The following SDK1 variants were observed in gnomAD, a reference collection of about 807,000 sequenced individuals.
SDK1 encodes the protein protein sidekick-1.
Under a neutral mutation model 245.5 loss-of-function variants are expected in SDK1, and 157 were observed. The observed-to-expected ratio is 0.64, with a 90% CI of 0.56 to 0.73. The LOEUF is 0.73. Ranked by LOEUF, SDK1 falls within the 30% of genes least tolerant of loss-of-function variation. The pLI, the probability that SDK1 is intolerant of heterozygous loss-of-function variation, is 0.00. For synonymous variants in SDK1, 1,647 were observed against 1,278.5 expected (o/e 1.29, Z -6.15); for missense variants, 3,583 against 3,002.3 (o/e 1.19, Z -4.52).
intron 5 of SDK1, among the ~76,000 whole-genome samples, chr7:3,885,854 T>C: frequency 6.6e-6 from 1 of 152,224 alleles, no homozygotes; most frequent in East Asian, 1.9e-4. Flanking sequence ...AACACTCATT[T>C]AGCACTTTCT....
intron 1 of SDK1, among the ~76,000 whole-genome samples, chr7:3,597,805 C>T (rs903898406): frequency 1.2e-4 from 18 of 152,138 alleles, no homozygotes; most frequent in African/African-American, 3.9e-4. Context: ...TGAGATTCCT[C>T]GATGGTGCTG....
In SDK1 at chr7:4,079,450, G is replaced by C; in HGVS notation, c.3203-13G>C. Reference sequence around the variant, plus strand: ...CTGTAAATCTCTCCCTTTCCTCCCTGGTTCCTCTCTAGACCTTCCTGGTGC... The same window carrying C: ...CTGTAAATCTCTCCCTTTCCTCCCTCGTTCCTCTCTAGACCTTCCTGGTGC... On this transcript the variant is annotated splice_polypyrimidine_tract_variant and intron_variant, in intron 21 of 44. Coordinates refer to ENST00000404826, the MANE Select transcript of SDK1 (RefSeq NM_152744.4). 6.2e-7 allele frequency: 1 copy of C among 1,613,780 alleles called. No individual in the cohort carries two copies. The highest frequency in any genetic ancestry group is 8.5e-7 in the Non-Finnish European group (1 of 1,179,800).
intron 1 of SDK1, among the ~76,000 whole-genome samples, chr7:3,536,248 AC>A (rs1778884481): frequency 7.0e-6 from 1 of 143,672 alleles, no homozygotes; most frequent in Non-Finnish European, 1.5e-5. Context: ...GTGTGTTTTT[AC>A]TAGAGACGGG....
intron 1 of SDK1, among the ~76,000 whole-genome samples, chr7:3,389,938 A>G (rs1017197763): frequency 2.6e-5 from 4 of 152,278 alleles, no homozygotes; most frequent in Middle Eastern, 6.8e-3. Flanking sequence ...TTTAATGTAG[A>G]TATTAAAGAC....
At chr7:3,447,712 T>C (rs912367948) in intron 1 of SDK1, among the ~76,000 whole-genome samples, 8 of 148,408 alleles carry the variant, frequency 5.4e-5, no homozygotes, top group Non-Finnish European at 9.0e-5. Context: ...TTTTTTTTTT[T>C]TTTTTTTTTG....
At chr7:3,684,769 A>C (rs955003235) in intron 4 of SDK1, among the ~76,000 whole-genome samples, 7 of 152,334 alleles carry the variant, frequency 4.6e-5, no homozygotes, top group African/African-American at 1.7e-4. Context: ...AATGAAAAAA[A>C]AAAATAGAAA....
chr7:4,145,963 G>C (rs1387377392), intron 29 of SDK1, 47 bp downstream of exon 29: 2 of 1,507,254 alleles, frequency 1.3e-6, no homozygotes, highest in South Asian at 1.3e-5. Flanking sequence ...TGTGGGCACA[G>C]CTTCCTCAAT....
chr7:3,808,005 A>G (rs1233747831), intron 4 of SDK1, among the ~76,000 whole-genome samples: 1 of 152,186 alleles, frequency 6.6e-6, no homozygotes, highest in Non-Finnish European at 1.5e-5. Flanking sequence ...CTGTCAGTCA[A>G]GCATCTGGCC....
At chr7:4,071,992 GA>G (rs914533879) in intron 20 of SDK1, among the ~76,000 whole-genome samples, 13 of 152,138 alleles carry the variant, frequency 8.5e-5, no homozygotes, top group African/African-American at 2.9e-4. Flanking sequence ...AAAGCTGAAA[GA>G]AAAAAATCCA....
At chr7:3,510,033 A>G (rs1228339145) in intron 1 of SDK1, among the ~76,000 whole-genome samples, 1 of 152,204 alleles carries the variant, frequency 6.6e-6, no homozygotes, top group Non-Finnish European at 1.5e-5. Flanking sequence ...ATATGCAGCC[A>G]TGGTTGACAA....
intron 1 of SDK1, among the ~76,000 whole-genome samples, chr7:3,550,150 A>G (rs1779354817): frequency 1.3e-5 from 2 of 152,168 alleles, no homozygotes; most frequent in African/African-American, 4.8e-5. Flanking sequence ...GTCTATCTCA[A>G]TATATGCATA....
At chr7:3,698,200 C>A (rs375009272) in intron 4 of SDK1, among the ~76,000 whole-genome samples, 2 of 152,240 alleles carry the variant, frequency 1.3e-5, no homozygotes, top group South Asian at 2.1e-4. Flanking sequence ...CAAATACTAC[C>A]GAAGAAAACT....
intron 1 of SDK1, among the ~76,000 whole-genome samples, chr7:3,577,361 G>T (rs190914865): frequency 6.6e-6 from 1 of 152,156 alleles, no homozygotes; most frequent in East Asian, 1.9e-4. Context: ...CCAGGCCAAG[G>T]TTTTACGGCC....
intron 5 of SDK1, among the ~76,000 whole-genome samples, chr7:3,905,329 G>A (rs1778862986): frequency 6.6e-6 from 1 of 152,074 alleles, no homozygotes; most frequent in African/African-American, 2.4e-5. Context: ...TGTATCACTG[G>A]AGGTAATGTT....
intron 1 of SDK1, among the ~76,000 whole-genome samples, chr7:3,484,729 T>TG (rs1251663214): frequency 6.6e-6 from 1 of 152,216 alleles, no homozygotes; most frequent in Non-Finnish European, 1.5e-5. Flanking sequence ...TCGGTTTTTT[T>TG]TAGCTCCCAC....
intron 1 of SDK1, among the ~76,000 whole-genome samples, chr7:3,380,684 C>T (rs1015687118): frequency 6.6e-6 from 1 of 152,166 alleles, no homozygotes; most frequent in East Asian, 1.9e-4. Flanking sequence ...AGGAGACTGA[C>T]TCTTTCTGTC....
chr7:3,455,267 CA>C lies in SDK1; in HGVS notation c.298+153386del, dbSNP rs1583882849. 3.9e-5 allele frequency among the ~76,000 whole-genome samples: 6 copies of C among 151,916 alleles called. No individual in the cohort carries two copies. In the South Asian group the frequency reaches 1.2e-3, roughly 32 times the overall value. On this transcript the variant is annotated intron_variant, in intron 1 of 44. Coordinates refer to ENST00000404826, the MANE Select transcript of SDK1 (RefSeq NM_152744.4). ...CTTCATCATCTTACGAGGGTTTTCA[CA>C]AAGCAAAATTTTAAATTTTGATAGA...
chr7:3,454,800 T>C (rs145227631), intron 1 of SDK1, among the ~76,000 whole-genome samples: 1,715 of 152,328 alleles, frequency 0.011, 19 homozygotes, highest in Non-Finnish European at 0.018. Context: ...AAAATTTCCA[T>C]GCAGGTTTTT....
At chr7:4,202,594 G>A (rs1029338605) in intron 35 of SDK1, among the ~76,000 whole-genome samples, 1 of 152,176 alleles carries the variant, frequency 6.6e-6, no homozygotes, top group Non-Finnish European at 1.5e-5. Context: ...CAGATCAAAT[G>A]GATGACCTTC....
Sources: gnomAD v4.1 joint callset for allele counts (sites outside exome capture counted in the v4.1 genomes callset) on GRCh38, gnomAD v4.1.1 for gene constraint, MANE v1.5 for transcripts, NCBI Gene and HGNC (gene_info 2026-07-23, HGNC 2026-07-21) for gene names.